Variants in BRD10 observed in about 807,000 individuals in gnomAD.
BRD10 encodes uncharacterized bromodomain-containing protein 10.
At chr9:5,993,246 C>T in the BRD10 span, among the ~76,000 whole-genome samples, 2 of 140,126 alleles carry the variant, frequency 1.4e-5, no homozygotes, top group Non-Finnish European at 3.0e-5. Context: ...ACCTGGGAGA[C>T]GGAGGCTGCA....
At chr9:6,007,680 G>C in the BRD10 span, 1 of 1,609,016 alleles carries the variant, frequency 6.2e-7, no homozygotes, top group East Asian at 2.2e-5. Flanking sequence ...CTGAGGTCTG[G>C]GCCGCCGCTG....
At chr9:5,987,493 T>TG in the BRD10 span, among the ~76,000 whole-genome samples, 1 of 152,020 alleles carries the variant, frequency 6.6e-6, no homozygotes, top group East Asian at 1.9e-4. Flanking sequence ...AGTAGTTCTG[T>TG]GAAGCTCTGC....
the BRD10 span, among the ~76,000 whole-genome samples, chr9:5,985,869 G>A: frequency 6.6e-6 from 1 of 151,634 alleles, no homozygotes; most frequent in Non-Finnish European, 1.5e-5. Context: ...ATTAAGATGG[G>A]GTATCTTCTA....
chr9:5,995,839 G>A, the BRD10 span, among the ~76,000 whole-genome samples: 25 of 151,968 alleles, frequency 1.6e-4, no homozygotes, highest in Non-Finnish European at 2.8e-4. Context: ...TGAGCCACAG[G>A]GATTTAGCAA....
chr9:5,997,099 G>A, the BRD10 span, among the ~76,000 whole-genome samples: 55 of 152,340 alleles, frequency 3.6e-4, no homozygotes, highest in Non-Finnish European at 2.9e-4. Context: ...AGAAAGGCAG[G>A]AAAGCTAGAG....
chr9:5,978,834 T>C, the BRD10 span, among the ~76,000 whole-genome samples: 11 of 152,312 alleles, frequency 7.2e-5, no homozygotes, highest in African/African-American at 1.2e-4. Context: ...TCACTCAAGA[T>C]TGCTACCTGA....
At chr9:5,961,871 C>G in the BRD10 span, among the ~76,000 whole-genome samples, 7 of 152,246 alleles carry the variant, frequency 4.6e-5, no homozygotes, top group Middle Eastern at 0.017. Context: ...TGTCTTTGTG[C>G]CTTCTACTAA....
chr9:5,888,322 A>AT, the BRD10 span, among the ~76,000 whole-genome samples: 5 of 152,134 alleles, frequency 3.3e-5, no homozygotes, highest in Non-Finnish European at 7.4e-5. Flanking sequence ...AGTAACTGTG[A>AT]TTTTTGCACT....
At chr9:5,888,954 A>AGATTTTAT in the BRD10 span, among the ~76,000 whole-genome samples, 1 of 152,212 alleles carries the variant, frequency 6.6e-6, no homozygotes, top group Admixed American at 6.5e-5. Flanking sequence ...GATAACTGGC[A>AGATTTTAT]ATGACCAGCT....
At chr9:5,982,113 G>T in the BRD10 span, among the ~76,000 whole-genome samples, 2 of 152,012 alleles carry the variant, frequency 1.3e-5, no homozygotes, top group East Asian at 3.8e-4. Context: ...ACATGCAAAA[G>T]AATGTTATAT....
chr9:5,911,735 A>G, the BRD10 span, among the ~76,000 whole-genome samples: 1 of 151,524 alleles, frequency 6.6e-6, no homozygotes, highest in Admixed American at 6.6e-5. Context: ...GGGTTTCACT[A>G]TGTCGGCCAG....
the BRD10 span, among the ~76,000 whole-genome samples, chr9:5,882,037 C>G: frequency 6.6e-6 from 1 of 152,202 alleles, no homozygotes; most frequent in Non-Finnish European, 1.5e-5. Flanking sequence ...GAGCTCCCGG[C>G]AACCTTCCAT....
the BRD10 span, among the ~76,000 whole-genome samples, chr9:5,940,123 T>A: frequency 1.6e-4 from 25 of 151,958 alleles, no homozygotes; most frequent in African/African-American, 5.3e-4. Flanking sequence ...TTGAAATTTC[T>A]TTCTTTTTAA....
At chr9:5,988,624 T>A in the BRD10 span, 1 of 1,015,772 alleles carries the variant, frequency 9.8e-7, no homozygotes, top group Non-Finnish European at 1.5e-6. Context: ...AACTTAAGAA[T>A]CCCTTTTGCT....
At chr9:5,941,209 A>G in the BRD10 span, among the ~76,000 whole-genome samples, 1 of 140,240 alleles carries the variant, frequency 7.1e-6, no homozygotes, top group Non-Finnish European at 1.5e-5. Flanking sequence ...TTTCAAGTAC[A>G]ATAAGATCAG....
the BRD10 span, among the ~76,000 whole-genome samples, chr9:6,001,771 C>T: frequency 6.6e-6 from 1 of 152,138 alleles, no homozygotes; most frequent in Non-Finnish European, 1.5e-5. Flanking sequence ...TCCCAGCTAT[C>T]CACTCCCAAT....
chr9:5,937,707 G>A, the BRD10 span, among the ~76,000 whole-genome samples: 1 of 152,186 alleles, frequency 6.6e-6, no homozygotes, highest in Non-Finnish European at 1.5e-5. Context: ...TTGGAAGAGA[G>A]AGGTTTTCAA....
At chr9:5,965,275 T>G in the BRD10 span, among the ~76,000 whole-genome samples, 2 of 151,768 alleles carry the variant, frequency 1.3e-5, no homozygotes, top group African/African-American at 4.8e-5. Flanking sequence ...ACACAGGTTA[T>G]CGGTAATCAT....
At chr9:5,942,876 C>T in the BRD10 span, among the ~76,000 whole-genome samples, 1 of 151,968 alleles carries the variant, frequency 6.6e-6, no homozygotes, top group African/African-American at 2.4e-5. Flanking sequence ...GTAGTTTATG[C>T]TTTCTTCTTC....
Sources: allele counts gnomAD v4.1 joint callset (sites outside exome capture counted in the v4.1 genomes callset), GRCh38; gene constraint gnomAD v4.1.1; transcripts MANE v1.5; gene names NCBI Gene and HGNC (gene_info 2026-07-23, HGNC 2026-07-21).